Variants in ATP2B1 observed in about 807,000 individuals in gnomAD.
ATP2B1 encodes ATPase plasma membrane Ca2+ transporting 1, also known as plasma membrane calcium-transporting ATPase 1.
Under a neutral mutation model 124.2 loss-of-function variants are expected in ATP2B1, and 14 were observed. The observed-to-expected ratio is 0.11, with a 90% CI of 0.07 to 0.18. The LOEUF is 0.18. Ranked by LOEUF, ATP2B1 falls within the 10% of genes least tolerant of loss-of-function variation. The pLI is 1.00. For synonymous variants in ATP2B1, 449 were observed against 492.4 expected, an observed-to-expected ratio of 0.91 and a Z score of 1.17; for missense variants, 763 against 1,466.1, an observed-to-expected ratio of 0.52 and a Z score of 7.83.
intron 5 of ATP2B1, among the ~76,000 whole-genome samples, chr12:89,631,399 A>C (rs1006959762): frequency 6.6e-6 from 1 of 152,194 alleles, no homozygotes; most frequent in African/African-American, 2.4e-5. Flanking sequence ...CGTATGTATC[A>C]ATGACAACCA....
At chr12:89,653,140 A>C (rs371018172) in intron 2 of ATP2B1, among the ~76,000 whole-genome samples, 1 of 152,230 alleles carries the variant, frequency 6.6e-6, no homozygotes, top group African/African-American at 2.4e-5. Flanking sequence ...AACAGTGAGG[A>C]CAAGTTTATA....
In ATP2B1 at chr12:89,620,228, CTT is replaced by C; in HGVS notation, c.1598_1599del (p.Lys533ArgfsTer10). On this transcript the variant is annotated frameshift_variant, in exon 11 of 21. Transcript: ENST00000428670. LOFTEE classifies it high-confidence loss of function. ...CCAACGTGACGAGGTAATCCACCCTCTTTCTCTGGTGGCTATAAGAGAAAAAC... is the reference window on the plus strand; with the variant it reads ...CCAACGTGACGAGGTAATCCACCCTCTCTCTGGTGGCTATAAGAGAAAAAC... ...AYTSKILPPE[K>X]EGGLPRHVGN... 6.2e-7 allele frequency: 1 copy of C among 1,613,936 alleles called. No individual in the cohort carries two copies. Among genetic ancestry groups the C allele is most frequent in the Non-Finnish European group, 8.5e-7 (1 of 1,179,868 alleles).
chr12:89,701,043 A>G (rs1396653915), intron 1 of ATP2B1, among the ~76,000 whole-genome samples: 1 of 152,262 alleles, frequency 6.6e-6, no homozygotes, highest in Non-Finnish European at 1.5e-5. Flanking sequence ...TAGAAATGAT[A>G]AAGTCAAATA....
intron 15 of ATP2B1, among the ~76,000 whole-genome samples, chr12:89,607,231 G>A (rs1183174857): frequency 6.6e-6 from 1 of 152,140 alleles, no homozygotes; most frequent in African/African-American, 2.4e-5. Flanking sequence ...CCTTTTTAAT[G>A]TGGCCCCCTG....
At chr12:89,637,627 G>A (rs1267973232) in intron 3 of ATP2B1, among the ~76,000 whole-genome samples, 1 of 151,986 alleles carries the variant, frequency 6.6e-6, no homozygotes, top group African/African-American at 2.4e-5. Flanking sequence ...TCGAACTCCT[G>A]GCCTCAAGCA....
intron 1 of ATP2B1, among the ~76,000 whole-genome samples, chr12:89,700,534 G>A (rs188343320): frequency 1.1e-3 from 161 of 152,254 alleles, no homozygotes; most frequent in African/African-American, 3.7e-3. Context: ...AAATCTCTTA[G>A]TATTAGAGGT....
chr12:89,661,135 G>C (rs1565886158), intron 1 of ATP2B1, among the ~76,000 whole-genome samples: 2 of 151,920 alleles, frequency 1.3e-5, no homozygotes, highest in African/African-American at 4.8e-5. Flanking sequence ...TAGTTCTTTG[G>C]TGTTTAGAAG....
At chr12:89,694,738 A>T (rs1435499649) in intron 1 of ATP2B1, among the ~76,000 whole-genome samples, 1 of 152,184 alleles carries the variant, frequency 6.6e-6, no homozygotes, top group Admixed American at 6.5e-5. Flanking sequence ...TAATTGTGAC[A>T]GAAGGCCAGA....
chr12:89,639,574 T>A (rs1463030110), intron 3 of ATP2B1, among the ~76,000 whole-genome samples: 1 of 149,286 alleles, frequency 6.7e-6, no homozygotes, highest in East Asian at 1.9e-4. Context: ...TTATTTTATA[T>A]ATATAATAAA....
At chr12:89,637,398 A>G (rs1882861262) in intron 3 of ATP2B1, among the ~76,000 whole-genome samples, 1 of 147,756 alleles carries the variant, frequency 6.8e-6, no homozygotes, top group Non-Finnish European at 1.5e-5. Context: ...ACAAGAAGAA[A>G]GCAAACATTA....
At chr12:89,667,833 G>A (rs1162777808) in intron 1 of ATP2B1, among the ~76,000 whole-genome samples, 1 of 152,144 alleles carries the variant, frequency 6.6e-6, no homozygotes, top group Non-Finnish European at 1.5e-5. Flanking sequence ...TACAGATTCG[G>A]TGCTATTCCT....
At chr12:89,677,013 ACACCACCAC>A (rs909097265) in intron 1 of ATP2B1, among the ~76,000 whole-genome samples, 1 of 146,496 alleles carries the variant, frequency 6.8e-6, no homozygotes, top group Non-Finnish European at 1.5e-5. Context: ...TCAAAAATAA[ACACCACCAC>A]CACCACCACC....
intron 6 of ATP2B1, among the ~76,000 whole-genome samples, chr12:89,630,051 A>G (rs932577482): frequency 1.3e-5 from 2 of 152,256 alleles, no homozygotes; most frequent in African/African-American, 4.8e-5. Context: ...ATATAACAAG[A>G]GAAATGTAAG....
At chr12:89,670,231 G>A (rs537512320) in intron 1 of ATP2B1, among the ~76,000 whole-genome samples, 17 of 152,110 alleles carry the variant, frequency 1.1e-4, no homozygotes, top group Non-Finnish European at 2.4e-4. Context: ...GGGGAAAGGA[G>A]CTAATCTGTC....
chr12:89,608,525 A>AG (rs1877398842), intron 15 of ATP2B1, among the ~76,000 whole-genome samples: 1 of 152,054 alleles, frequency 6.6e-6, no homozygotes, highest in East Asian at 1.9e-4. Flanking sequence ...AAAAAAAAAA[A>AG]AAGTGGTATA....
At chr12:89,706,190 T>C (rs1489210593) in intron 1 of ATP2B1, among the ~76,000 whole-genome samples, 1 of 152,202 alleles carries the variant, frequency 6.6e-6, no homozygotes, top group East Asian at 1.9e-4. Flanking sequence ...AAACCACTTT[T>C]TCTAACATGG....
intron 1 of ATP2B1, among the ~76,000 whole-genome samples, chr12:89,699,567 C>A (rs953127610): frequency 1.2e-4 from 18 of 152,086 alleles, no homozygotes; most frequent in African/African-American, 4.3e-4. Flanking sequence ...AGAGAAAAAT[C>A]AAAACCCCCT....
intron 1 of ATP2B1, among the ~76,000 whole-genome samples, chr12:89,699,265 A>G (rs1891537497): frequency 6.6e-6 from 1 of 152,238 alleles, no homozygotes; most frequent in Non-Finnish European, 1.5e-5. Context: ...TTAAAAAAGA[A>G]TTCCCTTATT....
chr12:89,617,950 T>G (rs191556563), intron 11 of ATP2B1, among the ~76,000 whole-genome samples: 7 of 152,320 alleles, frequency 4.6e-5, no homozygotes, highest in African/African-American at 7.2e-5. Context: ...GTCCTATACA[T>G]TTCTCCTCTG....
Sources: gnomAD v4.1 joint callset for allele counts (sites outside exome capture counted in the v4.1 genomes callset) on GRCh38, gnomAD v4.1.1 for gene constraint, MANE v1.5 for transcripts, NCBI Gene and HGNC (gene_info 2026-07-23, HGNC 2026-07-21) for gene names.